The following OTULIN variants were observed in gnomAD, a reference collection of about 807,000 sequenced individuals.
The protein encoded by OTULIN is ubiquitin thioesterase otulin.
A neutral mutation model predicts 39.6 loss-of-function variants in OTULIN; 15 were observed. That is an observed-to-expected ratio of 0.38 (90% CI 0.25 to 0.58). OTULIN has a LOEUF of 0.58. Ranked by LOEUF, OTULIN falls within the 20% of genes least tolerant of loss-of-function variation. The pLI, the probability that OTULIN is intolerant of heterozygous loss-of-function variation, is 0.66. For missense variants in OTULIN, 319 were observed against 445.9 expected (o/e 0.72, Z 2.56); for synonymous variants, 156 against 170.3 (o/e 0.92, Z 0.65).
the OTULIN span, among the ~76,000 whole-genome samples, chr5:14,714,602 T>C: frequency 6.6e-6 from 1 of 152,156 alleles, no homozygotes; most frequent in Non-Finnish European, 1.5e-5. Context: ...TGTCCTGCCT[T>C]CCTCTGGGTG....
the OTULIN span, among the ~76,000 whole-genome samples, chr5:14,712,084 T>C: frequency 6.6e-6 from 1 of 152,218 alleles, no homozygotes; most frequent in African/African-American, 2.4e-5. Context: ...TGCTTTTCTT[T>C]CATTATATTT....
the OTULIN span, chr5:14,709,766 A>G: frequency 6.6e-6 from 1 of 152,664 alleles, no homozygotes; most frequent in South Asian, 2.1e-4. Flanking sequence ...ATGTTCATTG[A>G]TACAATACGT....
At chr5:14,673,388 A>G (rs1736025853) in intron 1 of OTULIN, among the ~76,000 whole-genome samples, 1 of 152,238 alleles carries the variant, frequency 6.6e-6, no homozygotes, top group Non-Finnish European at 1.5e-5. Context: ...ATGCCTTCAG[A>G]GCTACCTAGC....
chr5:14,689,730 C>G (rs984345102), intron 5 of OTULIN, among the ~76,000 whole-genome samples: 1 of 152,196 alleles, frequency 6.6e-6, no homozygotes, highest in Non-Finnish European at 1.5e-5. Flanking sequence ...TGTGTTAGCT[C>G]TTCCATAAGT....
Position 14,693,235 on chromosome 5 carries a change from C to T in OTULIN, c.*187C>T. 1 of 572,106 alleles carries T rather than the reference C, an allele frequency of 1.7e-6. No individual in the cohort carries two copies. Among genetic ancestry groups the T allele is most frequent in the Admixed American group, 3.1e-5 (1 of 32,480 alleles). The allele number at this position is 572,106 out of a possible 1,614,324, so 35.4% of individuals were successfully genotyped here. A position where few individuals can be genotyped will look rare whatever the true frequency, so the allele number is the denominator to read the frequency against. ...AAGAGAAATTAACCAAGTCTTTCCC[C>T]TCATCTATGATGCAATATATTTCAG... On this transcript the variant is annotated 3_prime_UTR_variant, in exon 7 of 7. Transcript: ENST00000284274.
intron 3 of OTULIN, among the ~76,000 whole-genome samples, chr5:14,679,726 T>C (rs77653132): frequency 0.1 from 15,512 of 152,204 alleles, 884 homozygotes; most frequent in African/African-American, 0.16. Context: ...CAGCTGCCCA[T>C]GGGCTGACCT....
chr5:14,712,468 GCTC>G, the OTULIN span, among the ~76,000 whole-genome samples: 1 of 152,272 alleles, frequency 6.6e-6, no homozygotes, highest in South Asian at 2.1e-4. Flanking sequence ...GGCTGCCCGA[GCTC>G]CTGTCTTGGA....
downstream of OTULIN, among the ~76,000 whole-genome samples, chr5:14,703,560 C>T (rs1395053883): frequency 6.6e-6 from 1 of 152,022 alleles, no homozygotes; most frequent in African/African-American, 2.4e-5. Flanking sequence ...AAATGTGCCT[C>T]CTCTAGATGG....
At chr5:14,705,481 G>C in the OTULIN span, 2 of 152,206 alleles carry the variant, frequency 1.3e-5, no homozygotes, top group African/African-American at 2.4e-5. Context: ...GCCAAGAAGC[G>C]TGAGTGATAT....
intron 4 of OTULIN, among the ~76,000 whole-genome samples, chr5:14,682,440 C>T (rs945096358): frequency 6.6e-6 from 1 of 152,060 alleles, no homozygotes; most frequent in Non-Finnish European, 1.5e-5. Flanking sequence ...TTACAACTTG[C>T]TGAAGGCCCA....
At chr5:14,703,392 G>GT (rs1373527971), downstream of OTULIN, among the ~76,000 whole-genome samples, 1 of 146,994 alleles carries the variant, frequency 6.8e-6, no homozygotes, top group Non-Finnish European at 1.5e-5. Flanking sequence ...TTTCTCCACA[G>GT]TTTTTGAGAA....
chr5:14,711,175 A>C, the OTULIN span: 1 of 1,573,058 alleles, frequency 6.4e-7, no homozygotes, highest in Admixed American at 1.7e-5. Context: ...CTGTCCCTGC[A>C]GTGCCCATGG....
intron 1 of OTULIN, among the ~76,000 whole-genome samples, chr5:14,672,472 T>A (rs144926783): frequency 6.6e-6 from 1 of 151,876 alleles, no homozygotes; most frequent in Non-Finnish European, 1.5e-5. Flanking sequence ...GAATTGGGGG[T>A]AGGGATATCT....
At chr5:14,711,050 A>T in the OTULIN span, 4 of 754,202 alleles carry the variant, frequency 5.3e-6, no homozygotes, top group African/African-American at 3.4e-5. Flanking sequence ...ATGCTAGAGA[A>T]TTGACACGAA....
chr5:14,681,365 C>T lies in OTULIN; in HGVS notation c.325-99C>T. 8 of 1,408,150 alleles carry T rather than the reference C, an allele frequency of 5.7e-6. No homozygotes were observed. In the South Asian group the frequency reaches 1.1e-4, roughly 20 times the overall value. 87.2% of individuals were successfully genotyped at this position (1,408,150 alleles called of 1,614,324 possible). ...TAAAACTCCAACTTTGGGCATCCTC[C>T]CAGTGATCCCAGGCCAAGCTTTTTC... is the stretch of plus-strand genomic sequence containing the variant. On this transcript the variant is annotated intron_variant, in intron 3 of 6. Coordinates refer to ENST00000284274, the MANE Select transcript of OTULIN (RefSeq NM_138348.6).
chr5:14,692,743 C>T (rs865982907), intron 6 of OTULIN, 111 bp from the exon 7 acceptor site: 10 of 786,348 alleles, frequency 1.3e-5, no homozygotes, highest in South Asian at 8.9e-5. Context: ...GAGGAAAAAA[C>T]GTTGTGGCTT....
At chr5:14,672,106 A>G (rs760307329) in intron 1 of OTULIN, among the ~76,000 whole-genome samples, 1 of 152,170 alleles carries the variant, frequency 6.6e-6, no homozygotes, top group Non-Finnish European at 1.5e-5. Context: ...CATGGCGTGT[A>G]TCGTGATGTG....
intron 4 of OTULIN, among the ~76,000 whole-genome samples, chr5:14,687,296 A>G (rs913210230): frequency 6.6e-6 from 1 of 152,232 alleles, no homozygotes; most frequent in Non-Finnish European, 1.5e-5. Flanking sequence ...TGGCTCAACC[A>G]AAAGCACCAT....
chr5:14,673,841 C>A (rs1736035557), intron 2 of OTULIN, 123 bp downstream of exon 2: 1 of 728,874 alleles, frequency 1.4e-6, no homozygotes, highest in Non-Finnish European at 2.1e-6. Flanking sequence ...GTCTTATCTA[C>A]ATTGATTGTT....
Sources: gnomAD v4.1 joint callset for allele counts (sites outside exome capture counted in the v4.1 genomes callset) on GRCh38, gnomAD v4.1.1 for gene constraint, MANE v1.5 for transcripts, NCBI Gene and HGNC (gene_info 2026-07-23, HGNC 2026-07-21) for gene names.